The following PHACTR1 variants were observed in gnomAD, a reference collection of about 807,000 sequenced individuals.
PHACTR1 encodes the protein RPEL repeat containing 1.
In PHACTR1, 16 loss-of-function variants were observed where a neutral mutation model predicts 69.2. The ratio of observed to expected loss-of-function variants is 0.23; its 90% CI spans 0.16 to 0.35. The LOEUF is 0.35. Ranked by LOEUF, PHACTR1 falls within the 10% of genes least tolerant of loss-of-function variation. The pLI, the probability that PHACTR1 is intolerant of heterozygous loss-of-function variation, is 1.00. For synonymous variants in PHACTR1, 312 were observed against 284.5 expected, an observed-to-expected ratio of 1.10 and a Z score of -0.97; for missense variants, 510 against 734.7, an observed-to-expected ratio of 0.69 and a Z score of 3.54.
At chr6:13,073,331 A>ATTTTTTTTTTTTTTTTTT (rs10664160) in intron 5 of PHACTR1, among the ~76,000 whole-genome samples, 7 of 65,672 alleles carry the variant, frequency 1.1e-4, no homozygotes, top group African/African-American at 3.4e-4. Flanking sequence ...CATTCCATGA[A>ATTTTTTTTTTTTTTTTTT]TTTTTTTTTT....
At chr6:12,771,875 AG>A (rs1181368355) in intron 4 of PHACTR1, among the ~76,000 whole-genome samples, 5 of 152,170 alleles carry the variant, frequency 3.3e-5, no homozygotes, top group Admixed American at 3.3e-4. Flanking sequence ...GACTGGGGGA[AG>A]GGGTGTTCTG....
At chr6:13,251,028 T>C (rs1161583520) in intron 10 of PHACTR1, among the ~76,000 whole-genome samples, 1 of 152,148 alleles carries the variant, frequency 6.6e-6, no homozygotes, top group Non-Finnish European at 1.5e-5. Flanking sequence ...CAATCAATCT[T>C]CTGATCAGTG....
intron 4 of PHACTR1, among the ~76,000 whole-genome samples, chr6:12,992,762 G>A (rs1433949181): frequency 6.6e-6 from 1 of 152,308 alleles, no homozygotes; most frequent in East Asian, 1.9e-4. Flanking sequence ...CAGAGAGAGA[G>A]GGGCTCCCGA....
At chr6:12,805,658 T>A (rs1774232514) in intron 4 of PHACTR1, among the ~76,000 whole-genome samples, 2 of 151,756 alleles carry the variant, frequency 1.3e-5, no homozygotes, top group African/African-American at 4.8e-5. Flanking sequence ...TGGAGTGCAA[T>A]GGCAAGATCT....
intron 4 of PHACTR1, among the ~76,000 whole-genome samples, chr6:12,920,960 T>C (rs1017596633): frequency 3.9e-4 from 59 of 152,388 alleles, no homozygotes; most frequent in African/African-American, 1.4e-3. Flanking sequence ...GATACTGGGT[T>C]TGGCATTTGA....
At chr6:12,719,100 T>C (rs1166238615) in intron 3 of PHACTR1, among the ~76,000 whole-genome samples, 1 of 152,220 alleles carries the variant, frequency 6.6e-6, no homozygotes, top group Non-Finnish European at 1.5e-5. Flanking sequence ...ATGTTAGAAA[T>C]GATTTCCTAC....
intron 10 of PHACTR1, among the ~76,000 whole-genome samples, chr6:13,235,477 G>T (rs1490299131): frequency 6.6e-6 from 1 of 152,096 alleles, no homozygotes; most frequent in Non-Finnish European, 1.5e-5. Flanking sequence ...CATAGTTAGG[G>T]TGCCCTGTCA....
intron 4 of PHACTR1, among the ~76,000 whole-genome samples, chr6:13,010,540 C>T (rs1799333193): frequency 6.6e-6 from 1 of 152,136 alleles, no homozygotes; most frequent in South Asian, 2.1e-4. Flanking sequence ...CATCTGAAAC[C>T]TCAATATGCA....
At chr6:12,897,355 C>T (rs1784764445) in intron 4 of PHACTR1, among the ~76,000 whole-genome samples, 2 of 152,148 alleles carry the variant, frequency 1.3e-5, no homozygotes, top group Admixed American at 6.5e-5. Context: ...CCAATCCCAC[C>T]CCTCTGGCCA....
At chr6:13,015,336 C>T (rs961032315) in intron 4 of PHACTR1, among the ~76,000 whole-genome samples, 1 of 152,174 alleles carries the variant, frequency 6.6e-6, no homozygotes, top group Non-Finnish European at 1.5e-5. Context: ...ACTGGGACGG[C>T]ACTGGAGGAA....
At chr6:12,944,202 T>C (rs1790353195) in intron 4 of PHACTR1, among the ~76,000 whole-genome samples, 1 of 152,174 alleles carries the variant, frequency 6.6e-6, no homozygotes, top group Non-Finnish European at 1.5e-5. Context: ...AAGGCAATGA[T>C]CGAGGGCATG....
chr6:12,754,297 A>T (rs1403573684), intron 4 of PHACTR1, among the ~76,000 whole-genome samples: 1 of 151,992 alleles, frequency 6.6e-6, no homozygotes, highest in Non-Finnish European at 1.5e-5. Context: ...TATTATTGCC[A>T]TCCTGATCTG....
At chr6:13,206,425 C>T (rs950774909) in intron 8 of PHACTR1, among the ~76,000 whole-genome samples, 7 of 152,086 alleles carry the variant, frequency 4.6e-5, no homozygotes, top group African/African-American at 1.7e-4. Flanking sequence ...TTAGTAGGTT[C>T]GTGAAAATTG....
chr6:13,158,079 A>T (rs1316745608), intron 5 of PHACTR1, among the ~76,000 whole-genome samples: 3 of 152,006 alleles, frequency 2.0e-5, no homozygotes, highest in Non-Finnish European at 4.4e-5. Context: ...ATGGGGTTTC[A>T]CCATGTTGAC....
intron 10 of PHACTR1, among the ~76,000 whole-genome samples, chr6:13,235,409 T>C (rs147581378): frequency 1.8e-3 from 277 of 152,310 alleles, no homozygotes; most frequent in African/African-American, 6.4e-3. Context: ...TAATTGAACA[T>C]ACTACTCCAA....
At chr6:12,863,076 A>G (rs112369616) in intron 4 of PHACTR1, among the ~76,000 whole-genome samples, 1,594 of 152,328 alleles carry the variant, frequency 0.01, 24 homozygotes, top group Non-Finnish European at 0.017. Context: ...GGCTTTATGA[A>G]CTCTACAGCT....
intron 3 of PHACTR1, 49 bp downstream of exon 3, chr6:12,718,896 T>A: frequency 8.5e-7 from 1 of 1,181,626 alleles, no homozygotes; most frequent in East Asian, 2.6e-5. Context: ...GTCGGTTTTA[T>A]ATGAACAGCC....
chr6:13,223,143 T>TA (rs1768952598), intron 8 of PHACTR1, among the ~76,000 whole-genome samples: 1 of 152,164 alleles, frequency 6.6e-6, no homozygotes, highest in Non-Finnish European at 1.5e-5. Flanking sequence ...TTTAAATTTT[T>TA]AAAAAATACC....
intron 10 of PHACTR1, among the ~76,000 whole-genome samples, chr6:13,256,354 T>A (rs1435369802): frequency 6.6e-6 from 1 of 152,248 alleles, no homozygotes; most frequent in Non-Finnish European, 1.5e-5. Flanking sequence ...TGAAGTGGCT[T>A]CCAGGTCTTT....
Sources: gnomAD v4.1 joint callset for allele counts (sites outside exome capture counted in the v4.1 genomes callset) on GRCh38, gnomAD v4.1.1 for gene constraint, MANE v1.5 for transcripts, NCBI Gene and HGNC (gene_info 2026-07-23, HGNC 2026-07-21) for gene names.